STAM2: variants seen among roughly 807,000 people sequenced by gnomAD.
The protein encoded by STAM2 is signal transducing adapter molecule 2.
Under a neutral mutation model 65.6 loss-of-function variants are expected in STAM2, and 51 were observed. That is an observed-to-expected ratio of 0.78 (90% CI 0.62 to 0.98). The LOEUF (loss-of-function observed/expected upper bound fraction) is 0.98, where lower values mean the gene tolerates loss of function less well. Ranked by LOEUF, STAM2 falls within the 50% of genes least tolerant of loss-of-function variation. STAM2 has a pLI of 0.00. For missense variants in STAM2, 584 were observed against 617.8 expected, an observed-to-expected ratio of 0.95 and a Z score of 0.58; for synonymous variants, 198 against 208.4, an observed-to-expected ratio of 0.95 and a Z score of 0.43.
rs754726533 is a variant in STAM2, at chr2:152,143,960, A to C, written c.571T>G (p.Leu191Val). 1.2e-6 allele frequency: 2 copies of C among 1,613,728 alleles called. No individual in the cohort carries two copies. Among genetic ancestry groups the C allele is most frequent in the Non-Finnish European group, 8.5e-7 (1 of 1,179,864 alleles). Residue 191 changes from leucine to valine, a missense_variant, in exon 7 of 14, where the codon TTA becomes GTA. Leu to Val is a conservative substitution (Grantham distance 32). Transcript: ENST00000263904. ...AACTGAATTTCTGAAGATGGATATA[A>C]GGATTTTGTTTCTGTGTGTTGCTGT... ...QKQQHTETKS[L>V]YPSSEIQLNN... is the part of the protein sequence containing the mutation.
rs562706358 is a variant in STAM2 at position 152,133,047 on chromosome 2, C to T, written c.970+126G>A. On this transcript the variant is annotated intron_variant, in intron 10 of 13. Transcript: ENST00000263904. ...GTAATACTTTTACTATTTTACTGTA[C>T]TAGTCTGTTCCCCACCGGAGATTTC... is the stretch of plus-strand genomic sequence containing the variant. 15 of 334,212 alleles carry T rather than the reference C, an allele frequency of 4.5e-5. No individual in the cohort carries two copies. The South Asian group carries it at 1.4e-3, about 32-fold the overall frequency. 20.7% of individuals were successfully genotyped at this position (334,212 alleles called of 1,614,324 possible). A position where few individuals can be genotyped will look rare whatever the true frequency, so the allele number is the denominator to read the frequency against.
intron 13 of STAM2, among the ~76,000 whole-genome samples, chr2:152,123,315 T>C (rs1579309407): frequency 6.6e-6 from 1 of 151,490 alleles, no homozygotes; most frequent in Non-Finnish European, 1.5e-5. Context: ...GAGGTTGCAG[T>C]AAGCAGAGAT....
At chr2:152,150,323 T>C in intron 1 of STAM2, 94 bp from the exon 2 acceptor site, 1 of 768,392 alleles carries the variant, frequency 1.3e-6, no homozygotes, top group Non-Finnish European at 2.1e-6. Context: ...ATCCTACCTT[T>C]TCTATTGCCG....
In STAM2 at chr2:152,119,759, C is replaced by T. The variant is rs1277813114; in HGVS notation, c.*815G>A. 1 of 152,174 alleles carries T rather than the reference C, an allele frequency of 6.6e-6. No homozygotes were observed. The allele number at this position is 152,174 out of a possible 1,614,324, so 9.4% of individuals were successfully genotyped here. On this transcript the variant is annotated 3_prime_UTR_variant, in exon 14 of 14. Coordinates refer to ENST00000263904, the MANE Select transcript of STAM2 (RefSeq NM_005843.6). The stretch of plus-strand genomic sequence containing the variant: ...ATGTAGGAAAGAAAATGTTTTTCCT[C>T]AGGGAATGGAAATGTTTTGTGGGAC...
intron 1 of STAM2, among the ~76,000 whole-genome samples, chr2:152,162,371 C>T (rs1465975701): frequency 6.6e-6 from 1 of 151,802 alleles, no homozygotes; most frequent in African/African-American, 2.4e-5. Context: ...TCCAGGAGTT[C>T]AAGACCAGCC....
intron 13 of STAM2, among the ~76,000 whole-genome samples, chr2:152,121,149 T>C (rs746874336): frequency 4.6e-5 from 7 of 152,078 alleles, no homozygotes; most frequent in Non-Finnish European, 1.5e-5. Context: ...AAAAAAAATT[T>C]TTGTTGTAGA....
intron 1 of STAM2, among the ~76,000 whole-genome samples, chr2:152,169,604 G>C (rs969397331): frequency 1.3e-5 from 2 of 152,034 alleles, no homozygotes; most frequent in Non-Finnish European, 2.9e-5. Flanking sequence ...TAAAAGTAAT[G>C]AGCAGGCAAT....
chr2:152,158,432 C>A (rs1022706816), intron 1 of STAM2, among the ~76,000 whole-genome samples: 3 of 151,908 alleles, frequency 2.0e-5, no homozygotes, highest in Non-Finnish European at 2.9e-5. Context: ...GCCAAGATTA[C>A]ATCACTACAC....
Position 152,133,402 on chromosome 2 carries a change from C to G in STAM2, c.882G>C (p.Glu294Asp). The G allele has an allele frequency of 6.2e-7, 1 of 1,609,428 alleles. No homozygotes were observed. The highest frequency in any genetic ancestry group is 8.5e-7 in the Non-Finnish European group (1 of 1,177,244). ...CTATTAAACAAAAGAGGGACCCTAC[C>G]TCATCTATATAAACAGGCTCAGGCT... is the stretch of plus-strand genomic sequence containing the variant. ...KSEPEPVYID[E>D]DKMDRALQVL... The change falls in exon 9 of 14, where the codon GAG becomes GAC. Residue 294 changes from glutamate (E) to aspartate (D), a missense_variant and splice_region_variant. Coordinates refer to ENST00000263904, the MANE Select transcript of STAM2 (RefSeq NM_005843.6).
At chr2:152,167,216 T>G (rs1426736417) in intron 1 of STAM2, among the ~76,000 whole-genome samples, 1 of 152,190 alleles carries the variant, frequency 6.6e-6, no homozygotes, top group Non-Finnish European at 1.5e-5. Context: ...TGGAGGAAAC[T>G]AAAGAAAGGC....
intron 7 of STAM2, among the ~76,000 whole-genome samples, chr2:152,141,247 C>T (rs924644387): frequency 6.8e-5 from 10 of 147,962 alleles, no homozygotes; most frequent in Non-Finnish European, 9.0e-5. Flanking sequence ...AAAAAATGTG[C>T]GCCTTTGGGC....
intron 12 of STAM2, chr2:152,124,592 G>C (rs893326578): frequency 6.6e-6 from 1 of 151,966 alleles, no homozygotes; most frequent in African/African-American, 2.4e-5. Flanking sequence ...TTAAGGACAG[G>C]GTCTACCACC....
rs912423751 is a variant in STAM2, at chr2:152,118,216, T to C, written c.*2358A>G. 1 of 151,920 alleles carries C rather than the reference T, an allele frequency of 6.6e-6. No homozygotes were observed. Among genetic ancestry groups the C allele is most frequent in the Non-Finnish European group, 1.5e-5 (1 of 67,936 alleles). The allele number at this position is 151,920 out of a possible 1,614,324, so 9.4% of individuals were successfully genotyped here. A position where few individuals can be genotyped will look rare whatever the true frequency, so the allele number is the denominator to read the frequency against. On this transcript the variant is annotated 3_prime_UTR_variant, in exon 14 of 14. Transcript: ENST00000263904. The stretch of plus-strand genomic sequence containing the variant: ...AATTCCCTTTGGCAGAAAACAATTA[T>C]AAACAGGTCTTAATATAAATAGAAT...
chr2:152,133,280 CT>C lies in STAM2; in HGVS notation c.883-21del. On this transcript the variant is annotated intron_variant, in intron 9 of 13. Transcript: ENST00000263904. ...CTTATCCTAAAAAAGTAACAGGACA[CT>C]TTTCAAAAACTCAAGAGTTTTAACT... 1.3e-6 allele frequency: 2 copies of C among 1,588,912 alleles called. No homozygotes were observed. The highest frequency in any genetic ancestry group is 1.7e-6 in the Non-Finnish European group (2 of 1,162,160).
chr2:152,175,460 G>A (rs948913928), intron 1 of STAM2, 143 bp downstream of exon 1: 81 of 1,096,672 alleles, frequency 7.4e-5, no homozygotes, highest in African/African-American at 1.1e-4. Flanking sequence ...AAATCCCAAC[G>A]TCGAAGGAGC....
intron 7 of STAM2, among the ~76,000 whole-genome samples, chr2:152,143,432 G>A (rs762022985): frequency 1.3e-5 from 2 of 152,106 alleles, no homozygotes; most frequent in African/African-American, 4.8e-5. Flanking sequence ...TTAAGAATTG[G>A]GGAGGAGCCA....
chr2:152,123,240 C>T (rs1194975301), intron 13 of STAM2, among the ~76,000 whole-genome samples: 3 of 151,742 alleles, frequency 2.0e-5, no homozygotes, highest in Non-Finnish European at 4.4e-5. Flanking sequence ...GGCATGGTGG[C>T]GCGTGCCTGT....
chr2:152,143,937 C>G lies in STAM2; in HGVS notation c.594G>C (p.Gln198His). 1 of 1,613,740 alleles carries G rather than the reference C, an allele frequency of 6.2e-7. No individual in the cohort carries two copies. The highest frequency in any genetic ancestry group is 8.5e-7 in the Non-Finnish European group (1 of 1,179,858). ...CTTTCCGTGCAACCTTATTATTTAA[C>G]TGAATTTCTGAAGATGGATATAAGG... ...TKSLYPSSEI[Q>H]LNNKVARKVR... is the part of the protein sequence containing the mutation. Residue 198 changes from glutamine (Q) to histidine (H), a missense_variant, in exon 7 of 14, where the codon CAG (glutamine) becomes CAC (histidine). By Grantham distance (24) the Gln-to-His change is conservative. Transcript: ENST00000263904.
intron 1 of STAM2, among the ~76,000 whole-genome samples, chr2:152,167,730 A>G (rs1689813177): frequency 1.1e-5 from 1 of 87,246 alleles, no homozygotes; most frequent in Admixed American, 1.1e-4. Flanking sequence ...CCTCATTTCT[A>G]GAAAAAAATA....
Sources: gnomAD v4.1 joint callset for allele counts (sites outside exome capture counted in the v4.1 genomes callset) on GRCh38, gnomAD v4.1.1 for gene constraint, MANE v1.5 for transcripts, NCBI Gene and HGNC (gene_info 2026-07-23, HGNC 2026-07-21) for gene names.